HDX: variants seen among roughly 807,000 people sequenced by gnomAD.
HDX encodes the protein chromosome X open reading frame 43.
Under a neutral mutation model 45.2 loss-of-function variants are expected in HDX, and 19 were observed. The ratio of observed to expected loss-of-function variants is 0.42; its 90% CI spans 0.29 to 0.62. HDX has a LOEUF of 0.62. HDX is among the 20% of genes least tolerant of loss of function. The probability of loss-of-function intolerance (pLI) is 0.20; values close to 1 mark genes in which losing one functional copy is unlikely to be tolerated. For missense variants in HDX, 532 were observed against 493.9 expected (o/e 1.08, Z -0.73); for synonymous variants, 188 against 172.8 (o/e 1.09, Z -0.69).
chrX:84,500,364 T>C (rs1388069751), intron 1 of HDX: 1 of 110,290 alleles, frequency 9.1e-6, no homozygotes, highest in Admixed American at 9.7e-5. Context: ...AGTTAGGTGC[T>C]ATGGGCAGAT....
chrX:84,331,045 T>G (rs1445236484), intron 9 of HDX, among the ~76,000 whole-genome samples: 2 of 111,535 alleles, frequency 1.8e-5, no homozygotes, highest in Non-Finnish European at 3.8e-5. Context: ...TTCGTCAAGA[T>G]GATAGTAAGG....
chrX:84,486,968 A>G (rs1016019226), intron 2 of HDX, among the ~76,000 whole-genome samples: 2 of 111,561 alleles, frequency 1.8e-5, no homozygotes, highest in African/African-American at 6.5e-5. Flanking sequence ...TTTCAGTGAC[A>G]TGAATACTAT....
At position 84,349,312 on chromosome X, in the gene HDX, C is replaced by A. The variant is rs1315049323; in HGVS notation, c.1453-4855G>T. Among the ~76,000 whole-genome samples, 4 of 109,338 alleles carry A rather than the reference C, an allele frequency of 3.7e-5. 1 individual carries two copies. Among genetic ancestry groups the A allele is most frequent in the African/African-American group, 6.7e-5 (2 of 30,027 alleles). 94.9% of individuals were successfully genotyped at this position (109,338 alleles called of 115,157 possible). Reference sequence around the variant, plus strand: ...CGTTTTATTTGTTAAGATGAACTGACAACTTCTAGGCTCCTCACATGCCAG... The same window carrying A: ...CGTTTTATTTGTTAAGATGAACTGAAAACTTCTAGGCTCCTCACATGCCAG... On this transcript the variant is annotated intron_variant, in intron 6 of 10. Coordinates refer to ENST00000373177, the MANE Select transcript of HDX (RefSeq NM_001177479.2).
At chrX:84,349,214 G>A (rs1309895661) in intron 6 of HDX, among the ~76,000 whole-genome samples, 1 of 110,171 alleles carries the variant, frequency 9.1e-6, no homozygotes, top group African/African-American at 3.3e-5. Context: ...CCAATTTTGG[G>A]GTCAGTGGTT....
chrX:84,345,993 T>G (rs1471115530), intron 6 of HDX, among the ~76,000 whole-genome samples: 1 of 111,596 alleles, frequency 9.0e-6, no homozygotes, highest in African/African-American at 3.3e-5. Context: ...GAGAAGTTCT[T>G]TATATATTCT....
intron 5 of HDX, among the ~76,000 whole-genome samples, chrX:84,439,090 T>C (rs1406379480): frequency 1.8e-5 from 2 of 111,966 alleles, no homozygotes; most frequent in African/African-American, 6.5e-5. Flanking sequence ...TTTTTAATTA[T>C]TGCTATTCTG....
At chrX:84,417,192 GA>G (rs1239667668) in intron 5 of HDX, among the ~76,000 whole-genome samples, 1 of 83,955 alleles carries the variant, frequency 1.2e-5, no homozygotes, top group African/African-American at 4.3e-5. Context: ...GAAAGAGAGA[GA>G]AAGAAAGAAG....
chrX:84,403,136 A>G (rs1404899023), intron 5 of HDX, among the ~76,000 whole-genome samples: 1 of 111,340 alleles, frequency 9.0e-6, no homozygotes, highest in Non-Finnish European at 1.9e-5. Flanking sequence ...TAACTCATTT[A>G]TATCAATCAT....
intron 6 of HDX, among the ~76,000 whole-genome samples, chrX:84,353,164 G>T (rs2037398969): frequency 8.9e-6 from 1 of 111,763 alleles, no homozygotes; most frequent in Non-Finnish European, 1.9e-5. Flanking sequence ...CTCAAAACTA[G>T]AAGGCACTAG....
At chrX:84,391,493 T>G (rs1602368211) in intron 5 of HDX, among the ~76,000 whole-genome samples, 1 of 42,202 alleles carries the variant, frequency 2.4e-5, no homozygotes, top group African/African-American at 6.9e-5. Context: ...TATGTGGGAG[T>G]GCTGCTATTA....
intron 9 of HDX, among the ~76,000 whole-genome samples, chrX:84,332,190 G>A (rs910190987): frequency 9.0e-6 from 1 of 111,131 alleles, no homozygotes; most frequent in Non-Finnish European, 1.9e-5. Flanking sequence ...CATGTGAGGT[G>A]AGTTGAAAAA....
intron 7 of HDX, among the ~76,000 whole-genome samples, chrX:84,343,020 G>A: frequency 9.0e-6 from 1 of 111,045 alleles, no homozygotes; most frequent in East Asian, 2.9e-4. Flanking sequence ...GATACAAAAA[G>A]CCTATATATT....
At chrX:84,340,431 G>A (rs945936931) in intron 7 of HDX, among the ~76,000 whole-genome samples, 1 of 110,580 alleles carries the variant, frequency 9.0e-6, no homozygotes. Context: ...AATTTCAGTT[G>A]TTAGGTTTTT....
intron 5 of HDX, among the ~76,000 whole-genome samples, chrX:84,439,014 A>G (rs1424545866): frequency 9.0e-6 from 1 of 110,965 alleles, no homozygotes; most frequent in Non-Finnish European, 1.9e-5. Flanking sequence ...AGTGTATTTT[A>G]TTTTCTCCAT....
At chrX:84,331,825 C>T (rs939235230) in intron 9 of HDX, among the ~76,000 whole-genome samples, 8 of 111,459 alleles carry the variant, frequency 7.2e-5, no homozygotes, top group Non-Finnish European at 1.5e-4. Flanking sequence ...GGTTTGTAGC[C>T]TAGAAGCAAT....
At position 84,318,015 on chromosome X, in the gene HDX, A is replaced by G. The variant is rs1352372842; in HGVS notation, c.*3874T>C. ...AGTAAAATGGGATGCAGGATTGCTAAAATGAATTACTTAACAAGTTAATGC... is the reference window on the plus strand; with the variant it reads ...AGTAAAATGGGATGCAGGATTGCTAGAATGAATTACTTAACAAGTTAATGC... On this transcript the variant is annotated 3_prime_UTR_variant, in exon 11 of 11. Transcript: ENST00000373177. 9.0e-6 allele frequency: 1 copy of G among 111,372 alleles called. No homozygotes were observed. Among genetic ancestry groups the G allele is most frequent in the Non-Finnish European group, 1.9e-5 (1 of 52,665 alleles). 9.2% of individuals were successfully genotyped at this position (111,372 alleles called of 1,213,427 possible).
chrX:84,467,640 G>A (rs776139409), intron 4 of HDX, among the ~76,000 whole-genome samples: 40 of 104,417 alleles, frequency 3.8e-4, no homozygotes, highest in African/African-American at 1.3e-3. Flanking sequence ...AAAAAAAAAA[G>A]GAAAAGAAAA....
chrX:84,351,010 GCTAT>G (rs199956764), intron 6 of HDX, among the ~76,000 whole-genome samples: 10,535 of 105,846 alleles, frequency 0.1, 527 homozygotes, highest in African/African-American at 0.16. Flanking sequence ...ATTGATCCAG[GCTAT>G]CTATCTATCT....
chrX:84,475,479 A>G (rs1021115789), intron 2 of HDX, 82 bp from the exon 3 acceptor site: 6 of 544,091 alleles, frequency 1.1e-5, no homozygotes, highest in Non-Finnish European at 1.7e-5. Flanking sequence ...TTTTAATACA[A>G]TTTCAATGCT....
Sources: gnomAD v4.1 joint callset for allele counts (sites outside exome capture counted in the v4.1 genomes callset) on GRCh38, gnomAD v4.1.1 for gene constraint, MANE v1.5 for transcripts, NCBI Gene and HGNC (gene_info 2026-07-23, HGNC 2026-07-21) for gene names.